Variants in RAD51B observed in about 807,000 individuals in gnomAD.
RAD51B encodes the protein RAD51 paralog B.
RAD51B carries 38 observed loss-of-function variants against 42.2 expected under a neutral mutation model. The ratio of observed to expected loss-of-function variants is 0.90; its 90% CI spans 0.70 to 1.18. The LOEUF (loss-of-function observed/expected upper bound fraction) is 1.18, where lower values mean the gene tolerates loss of function less well. Among genes scored for constraint, RAD51B ranks in the 50% most tolerant of loss-of-function variants. The probability of loss-of-function intolerance (pLI) is 0.00; values close to 1 mark genes in which losing one functional copy is unlikely to be tolerated. For missense variants in RAD51B, 373 were observed against 400.7 expected (o/e 0.93, Z 0.59); for synonymous variants, 154 against 145.2 (o/e 1.06, Z -0.43).
chr14:68,515,440 C>CTT (rs1566922130), intron 10 of RAD51B, among the ~76,000 whole-genome samples: 10 of 124,734 alleles, frequency 8.0e-5, no homozygotes, highest in East Asian at 2.5e-4. Context: ...TCTTCTTCTT[C>CTT]TTCTTTTTTT....
chr14:68,150,386 T>G (rs2078352181), intron 7 of RAD51B, among the ~76,000 whole-genome samples: 1 of 152,244 alleles, frequency 6.6e-6, no homozygotes, highest in African/African-American at 2.4e-5. Context: ...TGCACCAAAT[T>G]TATGGATTAA....
chr14:68,205,734 T>C (rs1026240825), intron 7 of RAD51B, among the ~76,000 whole-genome samples: 3 of 152,130 alleles, frequency 2.0e-5, no homozygotes, highest in Non-Finnish European at 4.4e-5. Context: ...ACATTTGCTT[T>C]ATAATTTACT....
At chr14:68,401,602 C>T (rs2084106350) in intron 8 of RAD51B, among the ~76,000 whole-genome samples, 1 of 152,126 alleles carries the variant, frequency 6.6e-6, no homozygotes, top group South Asian at 2.1e-4. Flanking sequence ...GCAAGTAAAG[C>T]CTCTGGACTG....
intron 7 of RAD51B, among the ~76,000 whole-genome samples, chr14:68,247,106 G>T (rs2080515019): frequency 6.6e-6 from 1 of 152,110 alleles, no homozygotes; most frequent in Non-Finnish European, 1.5e-5. Context: ...AAACTACTGT[G>T]AAATTCTACC....
At chr14:68,279,603 G>A (rs2081283971) in intron 7 of RAD51B, among the ~76,000 whole-genome samples, 1 of 152,166 alleles carries the variant, frequency 6.6e-6, no homozygotes, top group Non-Finnish European at 1.5e-5. Flanking sequence ...CATAAGGCCA[G>A]GACCTCTGTC....
intron 7 of RAD51B, chr14:68,236,595 C>T (rs2080263696): frequency 6.6e-6 from 1 of 152,184 alleles, no homozygotes; most frequent in Non-Finnish European, 1.5e-5. Flanking sequence ...AGGAGTTCAC[C>T]AACAGGGTTT....
rs754321513 is a variant in RAD51B, at chr14:68,657,141, G to C, written c.*11+6285G>C. 7.9e-4 allele frequency among the ~76,000 whole-genome samples: 120 copies of C among 152,272 alleles called. 1 individual carries two copies. The highest frequency in any genetic ancestry group is 1.3e-3 in the Non-Finnish European group (86 of 68,014). ...GCACTGAGATGGAGCTGGTGTGACT[G>C]AGAAACAGAACCTTTACCTAAGTTT... On this transcript the variant is annotated intron_variant, in intron 11 of 11. Transcript: ENST00000488612.
intron 7 of RAD51B, among the ~76,000 whole-genome samples, chr14:68,063,168 T>C (rs776711879): frequency 6.6e-6 from 1 of 152,166 alleles, no homozygotes; most frequent in Non-Finnish European, 1.5e-5. Flanking sequence ...TTTGTTTATC[T>C]TTTTGAAAAT....
intron 8 of RAD51B, among the ~76,000 whole-genome samples, chr14:68,322,342 G>A (rs2082171704): frequency 6.6e-6 from 1 of 152,154 alleles, no homozygotes; most frequent in Non-Finnish European, 1.5e-5. Context: ...CTTCTCACCT[G>A]TATTTTGGCC....
intron 10 of RAD51B, among the ~76,000 whole-genome samples, chr14:68,633,800 G>T (rs191783419): frequency 2.5e-3 from 376 of 152,358 alleles, no homozygotes; most frequent in Non-Finnish European, 3.8e-3. Context: ...CCGTCCTGGA[G>T]GACAGAGGTA....
intron 9 of RAD51B, among the ~76,000 whole-genome samples, chr14:68,429,015 T>G (rs2084931273): frequency 6.6e-6 from 1 of 151,758 alleles, no homozygotes. Flanking sequence ...TTTGGTTTTT[T>G]GTCCTTGCGA....
intron 10 of RAD51B, among the ~76,000 whole-genome samples, chr14:68,557,522 A>G (rs116848795): frequency 2.4e-3 from 369 of 152,350 alleles, no homozygotes; most frequent in Middle Eastern, 3.4e-3. Context: ...TTAGGACTCA[A>G]GAGTAGAATT....
intron 11 of RAD51B, among the ~76,000 whole-genome samples, chr14:68,674,189 TC>T (rs1893254988): frequency 6.6e-6 from 1 of 151,998 alleles, no homozygotes; most frequent in African/African-American, 2.4e-5. Flanking sequence ...CACATATACA[TC>T]ACATACACAC....
chr14:68,034,866 T>C (rs1260081750), intron 7 of RAD51B, among the ~76,000 whole-genome samples: 1 of 152,140 alleles, frequency 6.6e-6, no homozygotes, highest in Non-Finnish European at 1.5e-5. Flanking sequence ...TCTGAAGGGA[T>C]TGGGATGTCT....
chr14:68,141,375 A>G (rs972712792), intron 7 of RAD51B, among the ~76,000 whole-genome samples: 3 of 152,192 alleles, frequency 2.0e-5, no homozygotes, highest in African/African-American at 7.2e-5. Flanking sequence ...ATATTCTTAA[A>G]GGGAACCCAA....
At chr14:68,273,412 A>C (rs2139595733) in intron 7 of RAD51B, among the ~76,000 whole-genome samples, 1 of 152,352 alleles carries the variant, frequency 6.6e-6, no homozygotes, top group Non-Finnish European at 1.5e-5. Flanking sequence ...TATTGATCCT[A>C]CAGTGTAAAA....
intron 10 of RAD51B, among the ~76,000 whole-genome samples, chr14:68,501,734 C>G (rs1485115789): frequency 1.3e-5 from 2 of 152,268 alleles, no homozygotes; most frequent in African/African-American, 4.8e-5. Context: ...GCCCACTTCT[C>G]AAGATAGTGA....
chr14:67,834,622 C>T (rs1424961284), intron 3 of RAD51B, among the ~76,000 whole-genome samples: 5 of 152,074 alleles, frequency 3.3e-5, no homozygotes, highest in African/African-American at 9.7e-5. Flanking sequence ...TTGTGTTAGT[C>T]CCTGTTTCCT....
intron 10 of RAD51B, among the ~76,000 whole-genome samples, chr14:68,636,341 G>A (rs1406789383): frequency 1.3e-5 from 2 of 152,136 alleles, no homozygotes; most frequent in Non-Finnish European, 2.9e-5. Context: ...TCAACACATA[G>A]GGAGGCTGAG....
Sources: gnomAD v4.1 joint callset for allele counts (sites outside exome capture counted in the v4.1 genomes callset) on GRCh38, gnomAD v4.1.1 for gene constraint, MANE v1.5 for transcripts, NCBI Gene and HGNC (gene_info 2026-07-23, HGNC 2026-07-21) for gene names.